Variants in FMNL3 observed in about 807,000 individuals in gnomAD.
FMNL3 encodes formin like 3.
Under a neutral mutation model 119.6 loss-of-function variants are expected in FMNL3, and 57 were observed. That is an observed-to-expected ratio of 0.48 (90% CI 0.39 to 0.59). FMNL3 has a LOEUF of 0.59. Among genes scored for constraint, FMNL3 ranks in the 20% least tolerant of loss-of-function variants. The probability of loss-of-function intolerance (pLI) is 0.00; values close to 1 mark genes in which losing one functional copy is unlikely to be tolerated. For synonymous variants in FMNL3, 491 were observed against 507.3 expected (o/e 0.97, Z 0.43); for missense variants, 1,053 against 1,323.5 (o/e 0.80, Z 3.17).
chr12:49,651,596 G>T, intron 14 of FMNL3, 146 bp from the exon 15 acceptor site: 2 of 804,592 alleles, frequency 2.5e-6, no homozygotes, highest in Non-Finnish European at 3.5e-6. Flanking sequence ...TGCTCAAGCT[G>T]CTCCCAGAAA....
rs1315952399 is a variant in FMNL3 at position 49,642,388 on chromosome 12, T to G, written c.*3427A>C. ...CTGGGAAGAGGTCAGGAGCGTAGCC[T>G]GGCCCCAAGCACCCCTCAAGCCTGA... On this transcript the variant is annotated 3_prime_UTR_variant, in exon 26 of 26. Transcript: ENST00000335154. The surrounding 1 kb of genome is among the most constrained non-coding windows in gnomAD (Gnocchi z 5.8). 2 of 1,612,642 alleles carry G rather than the reference T, an allele frequency of 1.2e-6. No homozygotes were observed. Among genetic ancestry groups the G allele is most frequent in the East Asian group, 4.5e-5 (2 of 44,856 alleles).
Position 49,637,886 on chromosome 12 carries a change from G to A in FMNL3, c.*7929C>T. 7.2e-7 allele frequency: 1 copy of A among 1,383,918 alleles called. No individual in the cohort carries two copies. Among genetic ancestry groups the A allele is most frequent in the South Asian group, 1.2e-5 (1 of 83,524 alleles). 85.7% of individuals were successfully genotyped at this position (1,383,918 alleles called of 1,614,324 possible). A position where few individuals can be genotyped will look rare whatever the true frequency, so the allele number is the denominator to read the frequency against. ...GATGCAGGGCACACTCCCTGCAGAG[G>A]ACTCCCTGATAAGTCCTGTTTTGCA... On this transcript the variant is annotated 3_prime_UTR_variant, in exon 26 of 26. Transcript: ENST00000335154.
chr12:49,674,190 G>A (rs1944122514), intron 1 of FMNL3, among the ~76,000 whole-genome samples: 1 of 152,242 alleles, frequency 6.6e-6, no homozygotes, highest in African/African-American at 2.4e-5. Context: ...CGGGTTTGGA[G>A]AAGATAACTT....
intron 16 of FMNL3, 135 bp downstream of exon 16, chr12:49,651,033 C>T: frequency 6.8e-7 from 1 of 1,462,556 alleles, no homozygotes; most frequent in Non-Finnish European, 9.4e-7. Flanking sequence ...TATACGTACA[C>T]TCAAGAATGA....
At chr12:49,700,838 G>C (rs1342637206) in intron 1 of FMNL3, among the ~76,000 whole-genome samples, 2 of 151,646 alleles carry the variant, frequency 1.3e-5, no homozygotes, top group Non-Finnish European at 2.9e-5. Flanking sequence ...CCAGCACTTT[G>C]GGAGGCCGAG....
chr12:49,663,238 G>A (rs548098157), intron 4 of FMNL3, among the ~76,000 whole-genome samples: 7 of 152,228 alleles, frequency 4.6e-5, no homozygotes, highest in African/African-American at 1.4e-4. Context: ...CTGCTATTTC[G>A]GGATCTTGAC....
At chr12:49,646,557 G>A (rs1943197184) in intron 25 of FMNL3, 7 of 1,109,260 alleles carry the variant, frequency 6.3e-6, no homozygotes, top group Non-Finnish European at 6.3e-6. Context: ...TGCAAGTCAT[G>A]CAGGAAAGAA....
At chr12:49,705,246 C>G (rs762691701) in intron 1 of FMNL3, among the ~76,000 whole-genome samples, 1 of 152,202 alleles carries the variant, frequency 6.6e-6, no homozygotes, top group Non-Finnish European at 1.5e-5. Flanking sequence ...AAATTTTATA[C>G]AGAAAGGAAG....
At chr12:49,666,229 G>A in intron 2 of FMNL3, 22 bp from the exon 3 acceptor site, 1 of 1,603,840 alleles carries the variant, frequency 6.2e-7, no homozygotes, top group Non-Finnish European at 8.5e-7. Context: ...ACATGCATAT[G>A]CGTATCCACA....
intron 4 of FMNL3, among the ~76,000 whole-genome samples, chr12:49,663,119 C>A (rs189916872): frequency 4.4e-4 from 67 of 152,326 alleles, no homozygotes; most frequent in African/African-American, 1.5e-3. Context: ...TGACTGACAC[C>A]GGAGCTGCCT....
Position 49,658,499 on chromosome 12 carries a change from G to A in FMNL3, c.548C>T (p.Ala183Val). ...RSIEDLQPPS[A>V]LSAPFTNSLA... ...GCTGTTGGTGAAGGGGGCCGACAGG[G>A]CGCTGGGTGGCTGCAGGTCCTCGAT... Residue 183 changes from alanine (A) to valine (V), a missense_variant, in exon 6 of 26, where the codon GCC (alanine) becomes GTC (valine). Coordinates refer to ENST00000335154, the MANE Select transcript of FMNL3 (RefSeq NM_175736.5). The A allele has an allele frequency of 6.2e-7, 1 of 1,613,696 alleles. No homozygotes were observed. Among genetic ancestry groups the A allele is most frequent in the Non-Finnish European group, 8.5e-7 (1 of 1,179,706 alleles).
chr12:49,669,497 C>T (rs1405217490), intron 1 of FMNL3, among the ~76,000 whole-genome samples: 1 of 152,138 alleles, frequency 6.6e-6, no homozygotes, highest in Non-Finnish European at 1.5e-5. Flanking sequence ...TTCTTCTCAT[C>T]AGTCTGGCTG....
At chr12:49,664,831 C>T (rs1943842064) in intron 4 of FMNL3, among the ~76,000 whole-genome samples, 2 of 152,126 alleles carry the variant, frequency 1.3e-5, no homozygotes, top group South Asian at 4.1e-4. Flanking sequence ...AAGGCTTGCC[C>T]TGGGGGCGGA....
chr12:49,691,259 T>C (rs142796774), intron 1 of FMNL3, among the ~76,000 whole-genome samples: 14 of 152,170 alleles, frequency 9.2e-5, no homozygotes, highest in African/African-American at 2.9e-4. Flanking sequence ...TGGTATACCA[T>C]TATCACACAA....
chr12:49,700,879 C>A (rs547941917), intron 1 of FMNL3, among the ~76,000 whole-genome samples: 100 of 151,192 alleles, frequency 6.6e-4, no homozygotes, highest in African/African-American at 2.4e-3. Flanking sequence ...AAGTTTGAGA[C>A]CAGCCTGGCC....
chr12:49,655,855 T>C (rs910151904), intron 9 of FMNL3, among the ~76,000 whole-genome samples: 2 of 152,124 alleles, frequency 1.3e-5, no homozygotes, highest in African/African-American at 4.8e-5. Context: ...GAATCCTATG[T>C]TCAAGTAGAT....
Position 49,647,611 on chromosome 12 carries a change from A to T in FMNL3, c.2778+92T>A. The T allele has an allele frequency of 1.7e-6, 2 of 1,157,656 alleles. No individual in the cohort carries two copies. The highest frequency in any genetic ancestry group is 2.4e-5 in the East Asian group (1 of 42,456). The allele number at this position is 1,157,656 out of a possible 1,614,324, so 71.7% of individuals were successfully genotyped here. On this transcript the variant is annotated intron_variant, in intron 23 of 25. Coordinates refer to ENST00000335154, the MANE Select transcript of FMNL3 (RefSeq NM_175736.5). This position sits in a 1 kb window ranked among gnomAD's most constrained non-coding sequence, Gnocchi z 4.9. ...CTCCCTTCCCAGGACTCGGAGGAGG[A>T]GTCGGAAAAGGCCCATACTTTAAGC... is the stretch of plus-strand genomic sequence containing the variant.
intron 5 of FMNL3, among the ~76,000 whole-genome samples, chr12:49,660,984 A>C (rs1229163198): frequency 6.6e-6 from 1 of 152,208 alleles, no homozygotes. Context: ...AAAAAATGTC[A>C]GGGCTAAGTC....
chr12:49,656,598 G>T, intron 8 of FMNL3, 101 bp from the exon 9 acceptor site: 2 of 1,117,780 alleles, frequency 1.8e-6, no homozygotes, highest in Non-Finnish European at 2.6e-6. Context: ...AGTGGAGAAA[G>T]CCTCAGTGGT....
Sources: gnomAD v4.1 joint callset for allele counts (sites outside exome capture counted in the v4.1 genomes callset) on GRCh38, gnomAD v4.1.1 for gene constraint, Gnocchi (gnomAD v3.1) non-coding constraint, MANE v1.5 for transcripts, NCBI Gene and HGNC (gene_info 2026-07-23, HGNC 2026-07-21) for gene names.